Variants in RAP1GAP2 observed in about 807,000 individuals in gnomAD.
RAP1GAP2 encodes the protein RAP1 GTPase activating protein 2.
In RAP1GAP2, 27 loss-of-function variants were observed where a neutral mutation model predicts 95.0. That is an observed-to-expected ratio of 0.28 (90% CI 0.21 to 0.39). The LOEUF is 0.39. Among genes scored for constraint, RAP1GAP2 ranks in the 10% least tolerant of loss-of-function variants. RAP1GAP2 has a pLI of 1.00. For synonymous variants in RAP1GAP2, 373 were observed against 380.9 expected (o/e 0.98, Z 0.24); for missense variants, 771 against 970.0 (o/e 0.79, Z 2.72).
intron 4 of RAP1GAP2, 82 bp from the exon 5 acceptor site, chr17:2,962,588 C>G: frequency 7.1e-7 from 1 of 1,408,224 alleles, no homozygotes; most frequent in South Asian, 1.3e-5. Context: ...TTACTAACCC[C>G]CTGTAAGGCC....
At chr17:2,888,496 G>A (rs892887190) in intron 2 of RAP1GAP2, among the ~76,000 whole-genome samples, 2 of 151,810 alleles carry the variant, frequency 1.3e-5, no homozygotes, top group African/African-American at 4.8e-5. Flanking sequence ...TAGCTTCTAC[G>A]TTTGCATGAG....
chr17:2,939,997 T>C (rs891053037), intron 3 of RAP1GAP2, among the ~76,000 whole-genome samples: 2 of 152,238 alleles, frequency 1.3e-5, no homozygotes, highest in Non-Finnish European at 2.9e-5. Flanking sequence ...TGGTAGCAGC[T>C]GCAGTGGAGC....
intron 1 of RAP1GAP2, among the ~76,000 whole-genome samples, chr17:2,762,240 G>A (rs2071268134): frequency 6.6e-6 from 1 of 151,714 alleles, no homozygotes. Context: ...ACCTGCCTCG[G>A]CCTCCCAAAG....
intron 1 of RAP1GAP2, among the ~76,000 whole-genome samples, chr17:2,781,612 CTGTG>C (rs149342357): frequency 4.9e-4 from 72 of 145,492 alleles, no homozygotes; most frequent in African/African-American, 1.7e-3. Context: ...GTGCAGGTCT[CTGTG>C]TGAGCACGTC....
intron 2 of RAP1GAP2, among the ~76,000 whole-genome samples, chr17:2,859,112 T>A (rs1362074562): frequency 6.8e-6 from 1 of 147,930 alleles, no homozygotes; most frequent in Non-Finnish European, 1.5e-5. Context: ...CCAACTCTTT[T>A]TTTTTTTTTT....
chr17:2,981,630 G>A (rs1217000681), intron 10 of RAP1GAP2, among the ~76,000 whole-genome samples: 1 of 152,122 alleles, frequency 6.6e-6, no homozygotes, highest in Non-Finnish European at 1.5e-5. Flanking sequence ...AGTACAGCAG[G>A]CAGACACCAA....
At chr17:2,847,285 G>A (rs910108846) in intron 2 of RAP1GAP2, among the ~76,000 whole-genome samples, 5 of 152,206 alleles carry the variant, frequency 3.3e-5, no homozygotes, top group Non-Finnish European at 5.9e-5. Context: ...GGGATTGCAG[G>A]TGTGAGCCAC....
At chr17:2,891,407 CTG>C (rs1205951258) in intron 2 of RAP1GAP2, among the ~76,000 whole-genome samples, 1 of 152,152 alleles carries the variant, frequency 6.6e-6, no homozygotes, top group Non-Finnish European at 1.5e-5. Flanking sequence ...TCCCAAAGTA[CTG>C]TAATTACAGG....
intron 3 of RAP1GAP2, among the ~76,000 whole-genome samples, chr17:2,933,773 C>T (rs1262661222): frequency 6.6e-6 from 1 of 152,226 alleles, no homozygotes; most frequent in Non-Finnish European, 1.5e-5. Flanking sequence ...TTCCAGTTCC[C>T]CCACTAAGAG....
chr17:2,983,078 G>A (rs142567999), intron 10 of RAP1GAP2, among the ~76,000 whole-genome samples: 63 of 152,328 alleles, frequency 4.1e-4, no homozygotes, highest in Middle Eastern at 6.8e-3. Flanking sequence ...GCTGCGAAGC[G>A]TCCGTTTCCC....
chr17:2,895,806 G>T (rs1380671521), intron 2 of RAP1GAP2, among the ~76,000 whole-genome samples: 1 of 152,106 alleles, frequency 6.6e-6, no homozygotes, highest in African/African-American at 2.4e-5. Flanking sequence ...TCAAACTCCT[G>T]ACCTCTAGTG....
intron 3 of RAP1GAP2, among the ~76,000 whole-genome samples, chr17:2,948,146 T>C (rs140832988): frequency 6.6e-6 from 1 of 152,314 alleles, no homozygotes; most frequent in African/African-American, 2.4e-5. Context: ...CTGCCACAGC[T>C]CTGTGAGTTA....
intron 3 of RAP1GAP2, among the ~76,000 whole-genome samples, chr17:2,933,002 G>T (rs1315174453): frequency 6.6e-6 from 1 of 152,132 alleles, no homozygotes; most frequent in Non-Finnish European, 1.5e-5. Flanking sequence ...GATCTGGAGT[G>T]CCTGGTTCTC....
At position 2,801,042 on chromosome 17, in the gene RAP1GAP2, G is replaced by C. The variant is rs1234228142; in HGVS notation, c.80+492G>C. Among the ~76,000 whole-genome samples the C allele has an allele frequency of 2.0e-5, 3 of 151,000 alleles. No individual in the cohort carries two copies. In the South Asian group the frequency reaches 6.3e-4, roughly 32 times the overall value. On this transcript the variant is annotated intron_variant, in intron 2 of 24. Coordinates refer to ENST00000254695, the MANE Select transcript of RAP1GAP2 (RefSeq NM_015085.5). ...TTTTTGTATTTTTAGTAGAGACGGA[G>C]TTTCACCATGTTGGCCAGGCTGGTC...
At chr17:2,782,392 G>A (rs1447900848) in intron 1 of RAP1GAP2, among the ~76,000 whole-genome samples, 1 of 152,176 alleles carries the variant, frequency 6.6e-6, no homozygotes, top group Non-Finnish European at 1.5e-5. Flanking sequence ...TCAGCATGCT[G>A]TAGGGAAGTG....
rs1296831649 is a variant in RAP1GAP2, at chr17:3,006,149, C to T, written c.1359+108C>T. 1.9e-5 allele frequency: 16 copies of T among 821,394 alleles called. No homozygotes were observed. The East Asian group carries it at 5.0e-4, about 26-fold the overall frequency. 50.9% of individuals were successfully genotyped at this position (821,394 alleles called of 1,614,324 possible). A position where few individuals can be genotyped will look rare whatever the true frequency, so the allele number is the denominator to read the frequency against. ...TTTTTTTTTTTTTTTTTTTTTGAGA[C>T]AGAGTCTTGCTCTGTTACCCAGGCT... On this transcript the variant is annotated intron_variant, in intron 16 of 24. Transcript: ENST00000254695.
chr17:2,830,312 G>T (rs1164124371), intron 2 of RAP1GAP2, among the ~76,000 whole-genome samples: 1 of 152,168 alleles, frequency 6.6e-6, no homozygotes, highest in Non-Finnish European at 1.5e-5. Flanking sequence ...TACTCGGGAG[G>T]CTGAGGGAGG....
intron 1 of RAP1GAP2, among the ~76,000 whole-genome samples, chr17:2,759,944 A>G (rs60224381): frequency 0.11 from 16,210 of 152,154 alleles, 896 homozygotes; most frequent in African/African-American, 0.13. Context: ...TGAAAAAGAT[A>G]TTGCCAACCT....
intron 2 of RAP1GAP2, among the ~76,000 whole-genome samples, chr17:2,891,140 T>G (rs564993722): frequency 6.6e-6 from 1 of 151,840 alleles, no homozygotes; most frequent in South Asian, 2.1e-4. Flanking sequence ...GGACCTATCT[T>G]TCTTTTTCTT....
Sources: gnomAD v4.1 joint callset for allele counts (sites outside exome capture counted in the v4.1 genomes callset) on GRCh38, gnomAD v4.1.1 for gene constraint, MANE v1.5 for transcripts, NCBI Gene and HGNC (gene_info 2026-07-23, HGNC 2026-07-21) for gene names.